Variants in FBN1 observed in about 807,000 individuals in gnomAD.
FBN1 encodes fibrillin-1.
FBN1 carries 29 observed loss-of-function variants against 365.1 expected under a neutral mutation model. The observed-to-expected ratio is 0.08, with a 90% confidence interval of 0.06 to 0.11. The LOEUF is 0.11. Among genes scored for constraint, FBN1 ranks in the 10% least tolerant of loss-of-function variants. FBN1 has a pLI of 1.00. For synonymous variants in FBN1, 1,210 were observed against 1,270.5 expected (o/e 0.95, Z 1.01); for missense variants, 2,476 against 3,703.2 (o/e 0.67, Z 8.60).
intron 6 of FBN1, among the ~76,000 whole-genome samples, chr15:48,583,550 C>T (rs1190221412): frequency 6.6e-6 from 1 of 152,164 alleles, no homozygotes; most frequent in East Asian, 1.9e-4. Flanking sequence ...GGGTAAGTGT[C>T]TATTACCTCT....
chr15:48,427,910 G>A (rs2042992988), intron 57 of FBN1, 137 bp from the exon 58 acceptor site: 1 of 757,230 alleles, frequency 1.3e-6, no homozygotes. Flanking sequence ...AGAGGGGAAA[G>A]CTGGAGACAG....
At position 48,425,794 on chromosome 15, in the gene FBN1, A is replaced by G. The variant is rs1456197586; in HGVS notation, c.7275T>C (p.Tyr2425=). Residue 2425 remains tyrosine (Y), a synonymous_variant, in exon 59 of 66, where the codon TAT becomes TAC. Coordinates refer to ENST00000316623, the MANE Select transcript of FBN1 (RefSeq NM_000138.5). ...NGECVNDRGS[Y]HCICKTGYTP... ...TGTACCCAGTTTTACAAATGCAATG[A>G]TATGATCCTCTGTCATTGACACATT... is the stretch of plus-strand genomic sequence containing the variant. 4.3e-6 allele frequency: 7 copies of G among 1,612,966 alleles called. No homozygotes were observed. Among genetic ancestry groups the G allele is most frequent in the African/African-American group, 1.3e-5 (1 of 74,894 alleles).
chr15:48,465,177 A>C (rs1001571301), intron 40 of FBN1, among the ~76,000 whole-genome samples: 1 of 152,178 alleles, frequency 6.6e-6, no homozygotes, highest in African/African-American at 2.4e-5. Flanking sequence ...ATGAGCACCA[A>C]TGGTAAGTGG....
At position 48,508,677 on chromosome 15, in the gene FBN1, A is replaced by G; in HGVS notation, c.1742T>C (p.Met581Thr). The G allele has an allele frequency of 6.2e-7, 1 of 1,613,790 alleles. No individual in the cohort carries two copies. Among genetic ancestry groups the G allele is most frequent in the South Asian group, 1.1e-5 (1 of 91,070 alleles). Reference sequence around the variant, plus strand: ...ATTGATACACATTCCATTAAGGCACATGTTCCTTATGCTGCATTCATCCAT... The same window carrying G: ...ATTGATACACATTCCATTAAGGCACGTGTTCCTTATGCTGCATTCATCCAT... ...EDMDECSIRNMCLNGMCINED... is the reference protein window; with the variant it reads ...EDMDECSIRNTCLNGMCINED... The change falls in exon 15 of 66, where the codon ATG (methionine) becomes ACG (threonine). Residue 581 changes from methionine to threonine, a missense_variant. Around this residue, in one of 5 missense-constraint regions of FBN1, gnomAD observed 1,780 missense variants for 2,840.8 expected, o/e 0.63. Transcript: ENST00000316623.
At chr15:48,452,775 T>C (rs1256123424) in intron 44 of FBN1, 91 bp from the exon 45 acceptor site, 3 of 1,420,588 alleles carry the variant, frequency 2.1e-6, no homozygotes, top group South Asian at 2.4e-5. Context: ...TTATATTTTA[T>C]TTTGATCTGT....
chr15:48,591,905 T>C (rs2044480306), intron 6 of FBN1, among the ~76,000 whole-genome samples: 1 of 152,188 alleles, frequency 6.6e-6, no homozygotes, highest in African/African-American at 2.4e-5. Context: ...GGTTCAGGCC[T>C]CTATTTTACC....
chr15:48,585,066 G>A (rs1004165613), intron 6 of FBN1, among the ~76,000 whole-genome samples: 2 of 152,154 alleles, frequency 1.3e-5, no homozygotes, highest in African/African-American at 2.4e-5. Context: ...TGGGACTTCA[G>A]GAAACAAATG....
chr15:48,447,563 T>C (rs936146488), intron 46 of FBN1, among the ~76,000 whole-genome samples: 1 of 152,118 alleles, frequency 6.6e-6, no homozygotes, highest in African/African-American at 2.4e-5. Context: ...AAAGAGTAGA[T>C]GCACATTATA....
intron 7 of FBN1, among the ~76,000 whole-genome samples, chr15:48,536,967 A>G (rs2044018491): frequency 6.6e-6 from 1 of 152,152 alleles, no homozygotes; most frequent in South Asian, 2.1e-4. Flanking sequence ...GCCTCTGTTC[A>G]CTTCCTCCTG....
chr15:48,510,268 T>G, intron 13 of FBN1, 99 bp from the exon 14 acceptor site: 1 of 1,260,940 alleles, frequency 7.9e-7, no homozygotes, highest in Non-Finnish European at 1.1e-6. Context: ...GATCTTGGCT[T>G]TTGGTTTTAA....
chr15:48,520,576 A>G, intron 10 of FBN1, 83 bp downstream of exon 10: 1 of 1,527,044 alleles, frequency 6.5e-7, no homozygotes, highest in Non-Finnish European at 9.0e-7. Context: ...CCAAGTTTCC[A>G]TTACATCTGC....
intron 16 of FBN1, among the ~76,000 whole-genome samples, chr15:48,504,372 T>C (rs548755764): frequency 2.0e-5 from 3 of 152,336 alleles, no homozygotes; most frequent in Non-Finnish European, 4.4e-5. Context: ...TTACTGAATG[T>C]CTGAATTAGG....
At position 48,593,230 on chromosome 15, in the gene FBN1, G is replaced by A. The variant is rs16961210; in HGVS notation, c.538+3053C>T. Among the ~76,000 whole-genome samples, 2,488 of 152,236 alleles carry A rather than the reference G, an allele frequency of 0.016. 205 individuals carry two copies. In the East Asian group the frequency reaches 0.24, roughly 14 times the overall value. ...TCCTGCCAGTATGACCCCCAAAGGC[G>A]TATTTCACACTCATAGTGGGTCTCT... is the stretch of plus-strand genomic sequence containing the variant. On this transcript the variant is annotated intron_variant, in intron 6 of 65. Coordinates refer to ENST00000316623, the MANE Select transcript of FBN1 (RefSeq NM_000138.5).
chr15:48,540,687 G>A (rs1566922993), intron 6 of FBN1, among the ~76,000 whole-genome samples: 1 of 152,062 alleles, frequency 6.6e-6, no homozygotes, highest in Non-Finnish European at 1.5e-5. Flanking sequence ...TCACAGCAGT[G>A]TAATCTTTTA....
intron 32 of FBN1, among the ~76,000 whole-genome samples, chr15:48,476,463 C>T (rs2043418845): frequency 6.6e-6 from 1 of 152,164 alleles, no homozygotes; most frequent in African/African-American, 2.4e-5. Flanking sequence ...ATCTCAGTTT[C>T]TCAGAAGAAG....
At chr15:48,618,260 TGA>T (rs1889695962) in intron 2 of FBN1, among the ~76,000 whole-genome samples, 1 of 152,146 alleles carries the variant, frequency 6.6e-6, no homozygotes, top group Non-Finnish European at 1.5e-5. Context: ...TGATAGATCA[TGA>T]AACAATTACA....
At chr15:48,428,977 C>A (rs529366734) in intron 56 of FBN1, among the ~76,000 whole-genome samples, 1 of 152,162 alleles carries the variant, frequency 6.6e-6, no homozygotes, top group African/African-American at 2.4e-5. Flanking sequence ...CCTTCCAGAG[C>A]TGGATTATGC....
At position 48,492,530 on chromosome 15, in the gene FBN1, T is replaced by C. The variant is rs372203315; in HGVS notation, c.2785A>G (p.Thr929Ala). The change falls in exon 24 of 66, where the codon ACT becomes GCT. Residue 929 changes from threonine to alanine, a missense_variant. Transcript: ENST00000316623. ...GVCKNGLCVN[T>A]RGSFKCQCPS... ...CACTGACACTTGAATGACCCCCTAGTGTTAACACACAGGCCATTTTTACAC... is the reference window on the plus strand; with the variant it reads ...CACTGACACTTGAATGACCCCCTAGCGTTAACACACAGGCCATTTTTACAC... 6 of 1,612,926 alleles carry C rather than the reference T, an allele frequency of 3.7e-6. No individual in the cohort carries two copies. In the East Asian group the frequency reaches 1.3e-4, roughly 36 times the overall value.
chr15:48,574,784 T>C (rs1294834889), intron 6 of FBN1, among the ~76,000 whole-genome samples: 1 of 152,110 alleles, frequency 6.6e-6, no homozygotes, highest in East Asian at 1.9e-4. Flanking sequence ...ATCAGGACAA[T>C]CAGGAGGCTT....
Sources: gnomAD v4.1 joint callset for allele counts (sites outside exome capture counted in the v4.1 genomes callset) on GRCh38, gnomAD v4.1.1 for gene constraint, gnomAD v4.1.1 regional missense constraint, MANE v1.5 for transcripts, NCBI Gene and HGNC (gene_info 2026-07-23, HGNC 2026-07-21) for gene names.